The following ADPGK variants were observed in gnomAD, a reference collection of about 807,000 sequenced individuals.
ADPGK encodes ADP dependent glucokinase.
Under a neutral mutation model 42.4 loss-of-function variants are expected in ADPGK, and 26 were observed. That is an observed-to-expected ratio of 0.61 (90% CI 0.45 to 0.85). The LOEUF (loss-of-function observed/expected upper bound fraction) is 0.85. Among genes scored for constraint, ADPGK ranks in the 40% least tolerant of loss-of-function variants. The pLI, the probability that ADPGK is intolerant of heterozygous loss-of-function variation, is 0.00. For missense variants in ADPGK, 571 were observed against 627.0 expected (o/e 0.91, Z 0.95); for synonymous variants, 267 against 252.6 (o/e 1.06, Z -0.54).
intron 1 of ADPGK, among the ~76,000 whole-genome samples, chr15:72,776,065 C>T (rs1205071458): frequency 6.6e-6 from 1 of 152,162 alleles, no homozygotes; most frequent in Non-Finnish European, 1.5e-5. Flanking sequence ...GGAATTTTCA[C>T]ATATAAGTAC....
chr15:72,761,465 G>T (rs2066192079), intron 3 of ADPGK, among the ~76,000 whole-genome samples: 1 of 152,144 alleles, frequency 6.6e-6, no homozygotes, highest in South Asian at 2.1e-4. Flanking sequence ...AGAGACTTCA[G>T]GGGAAGGTGC....
chr15:72,781,701 A>AT (rs2066459794), intron 1 of ADPGK, among the ~76,000 whole-genome samples: 1 of 152,234 alleles, frequency 6.6e-6, no homozygotes, highest in East Asian at 1.9e-4. Context: ...CGTAAAAGGC[A>AT]TTAAGGCTTC....
chr15:72,757,951 G>T, intron 4 of ADPGK: 1 of 910,716 alleles, frequency 1.1e-6, no homozygotes, highest in South Asian at 1.6e-5. Context: ...GAGAAGAACC[G>T]TGCAGAGCTG....
rs891077723 is a variant in ADPGK at position 72,752,145 on chromosome 15, A to T, written c.*196T>A. ...TAGCTCTGTGACACACAACATAAAAAACAAAAATCCAGTCTCATTAGCTAA... is the reference window on the plus strand; with the variant it reads ...TAGCTCTGTGACACACAACATAAAATACAAAAATCCAGTCTCATTAGCTAA... On this transcript the variant is annotated 3_prime_UTR_variant, in exon 7 of 7. Transcript: ENST00000456471. The T allele has an allele frequency of 6.4e-6, 4 of 623,662 alleles. No homozygotes were observed. The African/African-American group carries it at 7.3e-5, about 11-fold the overall frequency. The allele number at this position is 623,662 out of a possible 1,614,324, so 38.6% of individuals were successfully genotyped here.
intron 1 of ADPGK, among the ~76,000 whole-genome samples, chr15:72,777,136 A>G (rs1026302400): frequency 4.6e-5 from 7 of 152,218 alleles, no homozygotes; most frequent in Non-Finnish European, 8.8e-5. Context: ...ACTGGTCTCA[A>G]TTTTACCTCA....
chr15:72,762,578 A>G (rs2066208406), intron 3 of ADPGK, among the ~76,000 whole-genome samples: 1 of 152,246 alleles, frequency 6.6e-6, no homozygotes, highest in Non-Finnish European at 1.5e-5. Flanking sequence ...CAAGGGCCAT[A>G]GGCCATATTT....
intron 4 of ADPGK, chr15:72,758,085 G>A (rs2066139424): frequency 1.9e-6 from 3 of 1,612,396 alleles, no homozygotes; most frequent in Admixed American, 3.3e-5. Context: ...CTCTTCCTCT[G>A]GAGCTCCTTG....
intron 1 of ADPGK, among the ~76,000 whole-genome samples, chr15:72,778,753 G>T (rs1029939391): frequency 1.3e-4 from 20 of 152,162 alleles, no homozygotes; most frequent in African/African-American, 4.6e-4. Context: ...TGCATCAGCT[G>T]TTATAAGAGC....
rs191466074 is a variant in ADPGK at position 72,782,267 on chromosome 15, A to G, written c.233+1192T>C. ...CAAGGAAGGACAATTTAATCCCAGCACTTTGGGAGGCCAAGATGGGAGGCT... is the reference window on the plus strand; with the variant it reads ...CAAGGAAGGACAATTTAATCCCAGCGCTTTGGGAGGCCAAGATGGGAGGCT... On this transcript the variant is annotated intron_variant, in intron 1 of 6. Coordinates refer to ENST00000456471, the MANE Select transcript of ADPGK (RefSeq NM_001365225.1). 1.7e-4 allele frequency among the ~76,000 whole-genome samples: 26 copies of G among 152,248 alleles called. No homozygotes were observed. The East Asian group carries it at 3.7e-3, about 21-fold the overall frequency.
chr15:72,783,662 C>A lies in ADPGK; in HGVS notation c.30G>T (p.Ala10=). 2.0e-6 allele frequency: 3 copies of A among 1,506,470 alleles called. No individual in the cohort carries two copies. The East Asian group carries it at 8.0e-5, about 40-fold the overall frequency. The allele number at this position is 1,506,470 out of a possible 1,614,324, so 93.3% of individuals were successfully genotyped here. The change falls in exon 1 of 7, where the codon GCG becomes GCT. Residue 10 remains alanine, a synonymous_variant. Transcript: ENST00000456471. Reference sequence around the variant, plus strand: ...AGCCCACGGCCAGCGCCAGGAAGCCCGCGTACGCGGAGCCGCGCCACAGCG... The same window carrying A: ...AGCCCACGGCCAGCGCCAGGAAGCCAGCGTACGCGGAGCCGCGCCACAGCG... The part of the protein sequence containing the change: MALWRGSAY[A]GFLALAVGCV...
chr15:72,764,883 T>C lies in ADPGK; in HGVS notation c.523-4356A>G, dbSNP rs958416418. On this transcript the variant is annotated intron_variant, in intron 3 of 6. Transcript: ENST00000456471. ...TGAAAAATCCTAGGATTCTTAAGTA[T>C]GATGCTAAATCTACTCTGCCTGTGT... 5.9e-5 allele frequency among the ~76,000 whole-genome samples: 9 copies of C among 152,004 alleles called. No individual in the cohort carries two copies. The South Asian group carries it at 1.9e-3, about 32-fold the overall frequency.
chr15:72,755,611 T>G lies in ADPGK; in HGVS notation c.884A>C (p.His295Pro). 1 of 1,614,064 alleles carries G rather than the reference T, an allele frequency of 6.2e-7. No individual in the cohort carries two copies. The highest frequency in any genetic ancestry group is 8.5e-7 in the Non-Finnish European group (1 of 1,179,962). Residue 295 changes from histidine (H) to proline (P), a missense_variant, in exon 6 of 7, where the codon CAC (histidine) becomes CCC (proline). Around this residue, in one of 2 missense-constraint regions of ADPGK, gnomAD observed 434 missense variants for 522.7 expected, o/e 0.83. Coordinates refer to ENST00000456471, the MANE Select transcript of ADPGK (RefSeq NM_001365225.1). ...ISDIPTGIPVHLELASMTNRE... is the reference protein window; with the variant it reads ...ISDIPTGIPVPLELASMTNRE... The stretch of plus-strand genomic sequence containing the variant: ...GTTAGTCATACTGGCCAGCTCTAGG[T>G]GAACTGGAATACCAGTGGGGATGTC...
intron 1 of ADPGK, among the ~76,000 whole-genome samples, chr15:72,782,295 C>A (rs1042533450): frequency 2.6e-5 from 4 of 152,004 alleles, no homozygotes; most frequent in African/African-American, 4.8e-5. Context: ...GGGAGGCTGG[C>A]TTGAGCTCAG....
At position 72,752,880 on chromosome 15, in the gene ADPGK, C is replaced by A; in HGVS notation, c.955G>T (p.Val319Leu). ...SIVHQQVFPAVTSLGLNEQEL... is the reference protein window; with the variant it reads ...SIVHQQVFPALTSLGLNEQEL... Reference sequence around the variant, plus strand: ...TGTTCATTCAGCCCAAGGGAAGTCACCGCGGGAAAGACCTGCTAACAAAAA... The same window carrying A: ...TGTTCATTCAGCCCAAGGGAAGTCAACGCGGGAAAGACCTGCTAACAAAAA... Residue 319 changes from valine to leucine, a missense_variant, in exon 7 of 7, where the codon GTG becomes TTG. Val to Leu is a conservative substitution (Grantham distance 32, BLOSUM62 1). Coordinates refer to ENST00000456471, the MANE Select transcript of ADPGK (RefSeq NM_001365225.1). 1 of 1,611,662 alleles carries A rather than the reference C, an allele frequency of 6.2e-7. No individual in the cohort carries two copies. The highest frequency in any genetic ancestry group is 8.5e-7 in the Non-Finnish European group (1 of 1,178,606).
chr15:72,756,575 C>A (rs1405517104), intron 4 of ADPGK, 128 bp from the exon 5 acceptor site: 33 of 758,962 alleles, frequency 4.3e-5, no homozygotes, highest in Non-Finnish European at 5.6e-5. Context: ...CTGAGGAGAC[C>A]CCAGCAACAA....
intron 3 of ADPGK, 70 bp from the exon 4 acceptor site, chr15:72,760,597 A>C: frequency 8.7e-6 from 13 of 1,485,764 alleles, no homozygotes; most frequent in Non-Finnish European, 1.2e-5. Flanking sequence ...ACAGCACCCC[A>C]GGACAGTACA....
intron 1 of ADPGK, among the ~76,000 whole-genome samples, chr15:72,777,417 A>G (rs2071330773): frequency 6.6e-6 from 1 of 152,104 alleles, no homozygotes; most frequent in South Asian, 2.1e-4. Context: ...AACACCCTCA[A>G]GCCTGTAATC....
intron 3 of ADPGK, among the ~76,000 whole-genome samples, chr15:72,761,697 A>G (rs553530852): frequency 7.9e-6 from 1 of 127,312 alleles, no homozygotes; most frequent in African/African-American, 2.6e-5. Context: ...GCACTGCTTC[A>G]TGATTTTTTT....
chr15:72,758,005 G>A, intron 4 of ADPGK: 3 of 1,457,400 alleles, frequency 2.1e-6, no homozygotes, highest in East Asian at 4.6e-5. Flanking sequence ...GCCAAGAGAG[G>A]CTGGAACCTG....
Sources: gnomAD v4.1 joint callset for allele counts (sites outside exome capture counted in the v4.1 genomes callset) on GRCh38, gnomAD v4.1.1 for gene constraint, gnomAD v4.1.1 regional missense constraint, MANE v1.5 for transcripts, NCBI Gene and HGNC (gene_info 2026-07-23, HGNC 2026-07-21) for gene names.